PRKCB: variants seen among roughly 807,000 people sequenced by gnomAD.
PRKCB encodes protein kinase C beta type.
Under a neutral mutation model 81.5 loss-of-function variants are expected in PRKCB, and 13 were observed. That is an observed-to-expected ratio of 0.16 (90% CI 0.10 to 0.25). The LOEUF is 0.25. Ranked by LOEUF, PRKCB falls within the 10% of genes least tolerant of loss-of-function variation. The pLI, the probability that PRKCB is intolerant of heterozygous loss-of-function variation, is 1.00. For missense variants in PRKCB, 509 were observed against 875.7 expected, an observed-to-expected ratio of 0.58 and a Z score of 5.29; for synonymous variants, 335 against 321.4, an observed-to-expected ratio of 1.04 and a Z score of -0.45.
chr16:23,972,877 G>T (rs1372585945), intron 2 of PRKCB, among the ~76,000 whole-genome samples: 1 of 152,236 alleles, frequency 6.6e-6, no homozygotes, highest in Non-Finnish European at 1.5e-5. Context: ...GGAGTTAACA[G>T]TCTGGGAGGG....
chr16:23,877,261 C>T (rs1242015611), intron 2 of PRKCB, among the ~76,000 whole-genome samples: 2 of 152,134 alleles, frequency 1.3e-5, no homozygotes, highest in Non-Finnish European at 2.9e-5. Context: ...CACTTAAGCC[C>T]AGGAGCTCAA....
At chr16:23,904,290 A>T (rs961542313) in intron 2 of PRKCB, among the ~76,000 whole-genome samples, 1 of 152,104 alleles carries the variant, frequency 6.6e-6, no homozygotes, top group East Asian at 1.9e-4. Context: ...CTCATTTTCC[A>T]CATAGGTGCA....
intron 3 of PRKCB, among the ~76,000 whole-genome samples, chr16:24,013,515 G>A (rs754538643): frequency 7.2e-5 from 11 of 152,164 alleles, no homozygotes; most frequent in Admixed American, 3.3e-4. Context: ...GGTCGTTGAG[G>A]ATCAAATTAG....
intron 5 of PRKCB, among the ~76,000 whole-genome samples, chr16:24,069,397 A>G (rs903067618): frequency 6.6e-6 from 1 of 152,144 alleles, no homozygotes; most frequent in Non-Finnish European, 1.5e-5. Flanking sequence ...TTGGCCCGGA[A>G]GAGGCTGAGC....
In PRKCB at chr16:24,041,210, C is replaced by T. The variant is rs546644464; in HGVS notation, c.529+5663C>T. The stretch of plus-strand genomic sequence containing the variant: ...GACTACAGGCGCATGCCACCATGGC[C>T]GGCTAATTTTTTTTTGTATTTTTGG... On this transcript the variant is annotated intron_variant, in intron 5 of 16. Coordinates refer to ENST00000643927, the MANE Select transcript of PRKCB (RefSeq NM_002738.7). Among the ~76,000 whole-genome samples, 10 of 144,972 alleles carry T rather than the reference C, an allele frequency of 6.9e-5. No homozygotes were observed. The East Asian group carries it at 1.0e-3, about 15-fold the overall frequency.
chr16:24,141,256 G>A (rs1450885929), intron 9 of PRKCB, among the ~76,000 whole-genome samples: 1 of 151,600 alleles, frequency 6.6e-6, no homozygotes, highest in Non-Finnish European at 1.5e-5. Context: ...GTGCAGAGGT[G>A]AGATCTCGGG....
At chr16:24,021,914 G>A (rs1046352748) in intron 3 of PRKCB, among the ~76,000 whole-genome samples, 3 of 152,156 alleles carry the variant, frequency 2.0e-5, no homozygotes, top group Non-Finnish European at 2.9e-5. Context: ...AGTCACATTC[G>A]ACGGTTATTT....
intron 5 of PRKCB, among the ~76,000 whole-genome samples, chr16:24,063,336 C>T (rs1243860063): frequency 2.0e-5 from 3 of 151,512 alleles, no homozygotes; most frequent in Admixed American, 6.6e-5. Context: ...ACTCTGTTGC[C>T]CAGGCTGGAG....
chr16:24,021,030 T>G (rs1354743762), intron 3 of PRKCB, among the ~76,000 whole-genome samples: 1 of 140,518 alleles, frequency 7.1e-6, no homozygotes, highest in Non-Finnish European at 1.5e-5. Flanking sequence ...CTTTCTTTCT[T>G]TCTTTCTTTC....
intron 3 of PRKCB, among the ~76,000 whole-genome samples, chr16:23,995,911 G>T (rs1410241503): frequency 6.6e-6 from 1 of 151,988 alleles, no homozygotes; most frequent in Non-Finnish European, 1.5e-5. Flanking sequence ...GACAGCTACA[G>T]CACTGTAGTC....
At chr16:23,928,648 C>T (rs969744110) in intron 2 of PRKCB, among the ~76,000 whole-genome samples, 1 of 151,916 alleles carries the variant, frequency 6.6e-6, no homozygotes, top group Non-Finnish European at 1.5e-5. Context: ...GGAAATGCAC[C>T]TCTGTTGGGG....
chr16:23,915,689 C>A (rs200205513), intron 2 of PRKCB, among the ~76,000 whole-genome samples: 179 of 54,512 alleles, frequency 3.3e-3, no homozygotes, highest in African/African-American at 5.2e-3. Context: ...GACTCTCTAT[C>A]AAAAAAAAAA....
At chr16:24,020,096 A>G (rs7185769) in intron 3 of PRKCB, among the ~76,000 whole-genome samples, 27,438 of 152,216 alleles carry the variant, frequency 0.18, 2,913 homozygotes, top group Middle Eastern at 0.32. Context: ...GATGACACCA[A>G]TTGGCCCACC....
chr16:23,848,212 C>T (rs1163019754), intron 2 of PRKCB, among the ~76,000 whole-genome samples: 1 of 152,140 alleles, frequency 6.6e-6, no homozygotes, highest in Non-Finnish European at 1.5e-5. Context: ...TGGTTGTTGT[C>T]ACTGTTTTAA....
intron 9 of PRKCB, among the ~76,000 whole-genome samples, chr16:24,125,571 T>C (rs1966841959): frequency 6.6e-6 from 1 of 152,174 alleles, no homozygotes; most frequent in Non-Finnish European, 1.5e-5. Flanking sequence ...CACTGTCCAT[T>C]ATGTTTAACT....
intron 10 of PRKCB, among the ~76,000 whole-genome samples, chr16:24,165,914 G>A (rs1407874119): frequency 1.5e-5 from 2 of 135,828 alleles, no homozygotes; most frequent in Admixed American, 7.7e-5. Context: ...TTTGACACAG[G>A]GTCTCACTCT....
At chr16:24,000,493 G>A (rs758861342) in intron 3 of PRKCB, among the ~76,000 whole-genome samples, 8 of 152,162 alleles carry the variant, frequency 5.3e-5, no homozygotes, top group South Asian at 2.1e-4. Flanking sequence ...CATGTCGTTC[G>A]ACTTCTCTAT....
chr16:24,185,336 C>T, intron 14 of PRKCB, 124 bp from the exon 15 acceptor site: 10 of 1,192,100 alleles, frequency 8.4e-6, no homozygotes, highest in Non-Finnish European at 1.2e-5. Context: ...AGTCTGTGGT[C>T]ATTTGAAAGC....
In PRKCB at chr16:24,172,356, T is replaced by C. The variant is rs780652979; in HGVS notation, c.1326T>C (p.His442=). 1 of 1,613,572 alleles carries C rather than the reference T, an allele frequency of 6.2e-7. No homozygotes were observed. The highest frequency in any genetic ancestry group is 1.1e-5 in the South Asian group (1 of 90,922). Residue 442 remains histidine, a synonymous_variant, in exon 11 of 17, where the codon CAT becomes CAC. Transcript: ENST00000643927. ...AAGTCGGCCGGTTCAAGGAGCCCCATGCTGTGTAAGTGAGAACTAGTGCTG... is the reference window on the plus strand; with the variant it reads ...AAGTCGGCCGGTTCAAGGAGCCCCACGCTGTGTAAGTGAGAACTAGTGCTG... ...IQQVGRFKEP[H]AVFYAAEIAI... is the part of the protein sequence containing the mutation.
Sources: allele counts gnomAD v4.1 joint callset (sites outside exome capture counted in the v4.1 genomes callset), GRCh38; gene constraint gnomAD v4.1.1; transcripts MANE v1.5; gene names NCBI Gene and HGNC (gene_info 2026-07-23, HGNC 2026-07-21).